GLIS3: variants seen among roughly 807,000 people sequenced by gnomAD.
GLIS3 encodes the protein GLIS family zinc finger 3.
Under a neutral mutation model 78.6 loss-of-function variants are expected in GLIS3, and 53 were observed. The ratio of observed to expected loss-of-function variants is 0.67; its 90% confidence interval spans 0.54 to 0.85. The LOEUF (loss-of-function observed/expected upper bound fraction) is 0.85. GLIS3 is among the 40% of genes least tolerant of loss of function. The probability of loss-of-function intolerance (pLI) is 0.00; values close to 1 mark genes in which losing one functional copy is unlikely to be tolerated. For missense variants in GLIS3, 1,703 were observed against 1,231.1 expected (o/e 1.38, Z -5.74); for synonymous variants, 684 against 509.9 (o/e 1.34, Z -4.60).
At chr9:4,208,447 C>A (rs57991381) in intron 2 of GLIS3, among the ~76,000 whole-genome samples, 2,941 of 152,202 alleles carry the variant, frequency 0.019, 95 homozygotes, top group African/African-American at 0.068. Context: ...AGAGAGTGGT[C>A]TTAAGAATAT....
chr9:3,927,507 G>T (rs956313009), intron 6 of GLIS3, among the ~76,000 whole-genome samples: 2 of 152,140 alleles, frequency 1.3e-5, no homozygotes, highest in Non-Finnish European at 2.9e-5. Flanking sequence ...TCTGTGGAAC[G>T]TATTCTAAAG....
chr9:4,297,842 A>C (rs1336515191), intron 1 of GLIS3, among the ~76,000 whole-genome samples: 2 of 152,032 alleles, frequency 1.3e-5, no homozygotes, highest in Non-Finnish European at 2.9e-5. Context: ...GGAGCGGGGG[A>C]GAGGCGCGTA....
At chr9:4,240,388 AC>A (rs1343660364) in intron 2 of GLIS3, among the ~76,000 whole-genome samples, 1 of 152,050 alleles carries the variant, frequency 6.6e-6, no homozygotes, top group Non-Finnish European at 1.5e-5. Context: ...TCACTCACCC[AC>A]CACTCACCTC....
At chr9:4,152,290 T>G (rs1834744341) in intron 2 of GLIS3, 4 of 168,158 alleles carry the variant, frequency 2.4e-5, no homozygotes, top group South Asian at 2.0e-4. Context: ...CACGACGGGG[T>G]TGCCAGGATA....
chr9:4,303,726 T>C (rs1397622387), upstream of GLIS3, among the ~76,000 whole-genome samples: 1 of 152,242 alleles, frequency 6.6e-6, no homozygotes, highest in African/African-American at 2.4e-5. Context: ...GGTGAAATGT[T>C]TCTTCCTTTT....
chr9:4,208,052 A>T (rs10758571), intron 2 of GLIS3, among the ~76,000 whole-genome samples: 93,203 of 151,990 alleles, frequency 0.61, 28,950 homozygotes, highest in African/African-American at 0.71. Context: ...TGACTTTTAT[A>T]CCACTAACGT....
At chr9:3,868,244 G>A (rs183089430) in intron 8 of GLIS3, among the ~76,000 whole-genome samples, 22 of 152,336 alleles carry the variant, frequency 1.4e-4, no homozygotes, top group Admixed American at 1.0e-3. Context: ...ACACGCAGTC[G>A]TGCAGTGAAC....
the GLIS3 span, among the ~76,000 whole-genome samples, chr9:4,466,589 T>C: frequency 6.6e-6 from 1 of 152,198 alleles, no homozygotes; most frequent in Admixed American, 6.5e-5. Context: ...TAATACATCA[T>C]AACCAATGGG....
chr9:4,200,720 T>C (rs1418133086), intron 2 of GLIS3, among the ~76,000 whole-genome samples: 1 of 152,042 alleles, frequency 6.6e-6, no homozygotes. Context: ...CAAGGCCAGA[T>C]GGACTCACAG....
intron 2 of GLIS3, among the ~76,000 whole-genome samples, chr9:4,268,930 C>T (rs1826253823): frequency 6.6e-6 from 1 of 152,228 alleles, no homozygotes; most frequent in Non-Finnish European, 1.5e-5. Context: ...CATTTCCTCA[C>T]AGTTCTCTTT....
intron 6 of GLIS3, among the ~76,000 whole-genome samples, chr9:3,926,153 G>C (rs1825211429): frequency 6.6e-6 from 1 of 151,834 alleles, no homozygotes; most frequent in Admixed American, 6.6e-5. Flanking sequence ...TATTGCTATA[G>C]TTTAGTAGTA....
rs1467919486 is a variant in GLIS3, at chr9:3,840,238, C to G, written c.2474-10746G>C. Among the ~76,000 whole-genome samples, 4 of 152,108 alleles carry G rather than the reference C, an allele frequency of 2.6e-5. No homozygotes were observed. In the East Asian group the frequency reaches 7.7e-4, roughly 29 times the overall value. On this transcript the variant is annotated intron_variant, in intron 9 of 10. Transcript: ENST00000381971. ...GGTTCTGTGTAACACATAAGCAGTT[C>G]TTAAGTAATTTTTATTACACAACCT... is the stretch of plus-strand genomic sequence containing the variant.
chr9:4,009,773 C>T (rs1821849070), intron 4 of GLIS3, among the ~76,000 whole-genome samples: 1 of 152,222 alleles, frequency 6.6e-6, no homozygotes, highest in Admixed American at 6.5e-5. Flanking sequence ...CAGGAAAAGC[C>T]TCCTGCCCTC....
At chr9:3,880,926 A>G (rs561560446) in intron 7 of GLIS3, among the ~76,000 whole-genome samples, 1 of 152,320 alleles carries the variant, frequency 6.6e-6, no homozygotes, top group South Asian at 2.1e-4. Context: ...GCCTGTACCT[A>G]CCACAGTCCT....
chr9:4,065,997 T>A (rs1330128455), intron 4 of GLIS3, among the ~76,000 whole-genome samples: 1 of 147,600 alleles, frequency 6.8e-6, no homozygotes, highest in Non-Finnish European at 1.5e-5. Flanking sequence ...AATATATCGC[T>A]CTGCCTCCTT....
intron 8 of GLIS3, among the ~76,000 whole-genome samples, chr9:3,874,963 G>T (rs956761191): frequency 1.6e-4 from 25 of 152,266 alleles, no homozygotes; most frequent in African/African-American, 6.0e-4. Flanking sequence ...GCCTTCTTCA[G>T]AATGAAGAGA....
intron 2 of GLIS3, among the ~76,000 whole-genome samples, chr9:4,149,830 C>T (rs1181891023): frequency 1.3e-5 from 2 of 152,106 alleles, no homozygotes; most frequent in Non-Finnish European, 2.9e-5. Flanking sequence ...GATAAAAAAG[C>T]TACTGAGACA....
chr9:3,927,134 T>C (rs983543006), intron 6 of GLIS3, among the ~76,000 whole-genome samples: 1 of 152,244 alleles, frequency 6.6e-6, no homozygotes, highest in Non-Finnish European at 1.5e-5. Flanking sequence ...AATGTAAATC[T>C]ATGAGGGCAC....
intron 4 of GLIS3, among the ~76,000 whole-genome samples, chr9:3,948,819 T>C (rs1816476996): frequency 6.6e-6 from 1 of 152,226 alleles, no homozygotes. Flanking sequence ...TCTTCCTTTA[T>C]TTTATCTCTT....
Sources: gnomAD v4.1 joint callset for allele counts (sites outside exome capture counted in the v4.1 genomes callset) on GRCh38, gnomAD v4.1.1 for gene constraint, MANE v1.5 for transcripts, NCBI Gene and HGNC (gene_info 2026-07-23, HGNC 2026-07-21) for gene names.